The following ARMC8 variants were observed in gnomAD, a reference collection of about 807,000 sequenced individuals.
The protein encoded by ARMC8 is armadillo repeat-containing protein 8.
In ARMC8, 20 loss-of-function variants were observed where a neutral mutation model predicts 99.3. That is an observed-to-expected ratio of 0.20 (90% CI 0.14 to 0.29). ARMC8 has a LOEUF of 0.29. Among genes scored for constraint, ARMC8 ranks in the 10% least tolerant of loss-of-function variants. The probability of loss-of-function intolerance (pLI) is 1.00; values close to 1 mark genes in which losing one functional copy is unlikely to be tolerated. For synonymous variants in ARMC8, 263 were observed against 278.3 expected, an observed-to-expected ratio of 0.95 and a Z score of 0.55; for missense variants, 569 against 809.5, an observed-to-expected ratio of 0.70 and a Z score of 3.60.
intron 1 of ARMC8, among the ~76,000 whole-genome samples, chr3:138,200,302 C>T (rs2043979989): frequency 7.1e-6 from 1 of 140,558 alleles, no homozygotes; most frequent in African/African-American, 3.3e-5. Flanking sequence ...AGTTACACTG[C>T]AGACTGATAT....
chr3:138,207,303 C>A (rs1355061290), intron 1 of ARMC8, among the ~76,000 whole-genome samples: 1 of 152,174 alleles, frequency 6.6e-6, no homozygotes, highest in Non-Finnish European at 1.5e-5. Context: ...GGGAAATAAT[C>A]ATGTAAACAT....
chr3:138,199,885 A>G (rs959361363), intron 1 of ARMC8, among the ~76,000 whole-genome samples: 31 of 152,226 alleles, frequency 2.0e-4, no homozygotes, highest in African/African-American at 6.5e-4. Flanking sequence ...TCACAGTGAC[A>G]AAAGGAAGTA....
At chr3:138,205,263 C>T (rs764495244) in intron 1 of ARMC8, among the ~76,000 whole-genome samples, 8 of 151,306 alleles carry the variant, frequency 5.3e-5, no homozygotes, top group Non-Finnish European at 1.0e-4. Flanking sequence ...CTTGGCCAGG[C>T]TGGTCTCGAT....
chr3:138,262,738 C>T (rs1003530464), intron 12 of ARMC8: 10 of 790,952 alleles, frequency 1.3e-5, no homozygotes, highest in African/African-American at 1.7e-5. Context: ...AGGTTAAGAT[C>T]TATTGGTCTA....
At chr3:138,191,622 C>T (rs893422105) in intron 1 of ARMC8, among the ~76,000 whole-genome samples, 9 of 152,186 alleles carry the variant, frequency 5.9e-5, no homozygotes, top group African/African-American at 2.2e-4. Flanking sequence ...AGATCTCCCT[C>T]ATATTCCCTC....
intron 16 of ARMC8, among the ~76,000 whole-genome samples, chr3:138,271,798 C>CTTTCTTTTTTTTTTTTTTTTTTTTTTTT (rs1018824241): frequency 7.3e-6 from 1 of 136,134 alleles, no homozygotes; most frequent in African/African-American, 2.8e-5. Context: ...TTTTTTCTTT[C>CTTTCTTTTTTTTTTTTTTTTTTTTTTTT]TTTTTTTTTT....
intron 21 of ARMC8, among the ~76,000 whole-genome samples, chr3:138,292,792 C>T (rs1363908610): frequency 6.6e-6 from 1 of 151,910 alleles, no homozygotes; most frequent in African/African-American, 2.4e-5. Flanking sequence ...TCTCTTAGAG[C>T]AAGTAAAAAG....
chr3:138,287,567 T>A, intron 19 of ARMC8: 1 of 453,642 alleles, frequency 2.2e-6, no homozygotes, highest in South Asian at 1.6e-5. Flanking sequence ...GCTCATTTAT[T>A]CAACAAATAT....
intron 10 of ARMC8, 98 bp from the exon 11 acceptor site, chr3:138,241,685 C>T (rs2046632873): frequency 3.9e-6 from 4 of 1,030,554 alleles, no homozygotes; most frequent in Non-Finnish European, 5.8e-6. Context: ...TGATCATAAA[C>T]ATTACTCCTG....
intron 12 of ARMC8, among the ~76,000 whole-genome samples, chr3:138,251,862 A>G (rs931200436): frequency 6.6e-6 from 1 of 152,210 alleles, no homozygotes; most frequent in Admixed American, 6.5e-5. Context: ...AAGTTGGTTT[A>G]TTGTTTATTA....
At chr3:138,214,159 TAAA>T (rs58183163) in intron 2 of ARMC8, among the ~76,000 whole-genome samples, 3 of 139,792 alleles carry the variant, frequency 2.1e-5, no homozygotes, top group Admixed American at 7.2e-5. Flanking sequence ...TTGTTTTGTT[TAAA>T]AAAAAAAAAA....
chr3:138,249,102 G>GATGA lies in ARMC8; in HGVS notation c.1134+3937_1134+3940dup, dbSNP rs532759472. Among the ~76,000 whole-genome samples the GATGA allele has an allele frequency of 3.1e-3, 471 of 152,178 alleles. 1 individual carries two copies. Among genetic ancestry groups the GATGA allele is most frequent in the African/African-American group, 1.0e-2 (414 of 41,508 alleles). On this transcript the variant is annotated intron_variant, in intron 12 of 21. Coordinates refer to ENST00000469044, the MANE Select transcript of ARMC8 (RefSeq NM_001363941.2). Reference sequence around the variant, plus strand: ...CATAGTTGACACTTAATAAATAATTGATGAATGAATGAATGAATGAAAAAA... The same window carrying GATGA: ...CATAGTTGACACTTAATAAATAATTGATGAATGAATGAATGAATGAATGAAAAAA...
chr3:138,240,976 G>A (rs1305262768), intron 10 of ARMC8, among the ~76,000 whole-genome samples: 1 of 152,142 alleles, frequency 6.6e-6, no homozygotes, highest in Non-Finnish European at 1.5e-5. Context: ...CTTGAATCCA[G>A]GAGGCAGAGG....
At chr3:138,285,986 C>A (rs1396151426) in intron 19 of ARMC8, among the ~76,000 whole-genome samples, 1 of 152,146 alleles carries the variant, frequency 6.6e-6, no homozygotes, top group Non-Finnish European at 1.5e-5. Flanking sequence ...ACTCTGTCAC[C>A]CAGACTAGAG....
chr3:138,275,168 C>T (rs76903650), intron 18 of ARMC8, among the ~76,000 whole-genome samples: 1,565 of 152,250 alleles, frequency 0.01, 25 homozygotes, highest in African/African-American at 0.036. Context: ...ACAAAAGTCA[C>T]CTGCAAACTT....
intron 3 of ARMC8, among the ~76,000 whole-genome samples, 182 bp from the exon 4 acceptor site, chr3:138,223,207 T>G (rs886833446): frequency 6.6e-6 from 1 of 152,162 alleles, no homozygotes; most frequent in Non-Finnish European, 1.5e-5. Context: ...TTTCAAAACC[T>G]CTTCTAGATT....
chr3:138,196,728 G>T (rs1314517876), intron 1 of ARMC8, among the ~76,000 whole-genome samples: 1 of 152,074 alleles, frequency 6.6e-6, no homozygotes, highest in East Asian at 1.9e-4. Flanking sequence ...TTAGCCAGGT[G>T]TGGTGGCGCA....
rs537027615 is a variant in ARMC8, at chr3:138,200,725, A to G, written c.46-9092A>G. On this transcript the variant is annotated intron_variant, in intron 1 of 21. Transcript: ENST00000469044. ...TACACCCTTCCCTTTTCTCACCTCC[A>G]CTTCCATCTCCCCTCCAGTGTGTGA... Among the ~76,000 whole-genome samples, 33 of 152,112 alleles carry G rather than the reference A, an allele frequency of 2.2e-4. No individual in the cohort carries two copies. The East Asian group carries it at 6.4e-3, about 29-fold the overall frequency.
In ARMC8 at chr3:138,223,512, T is replaced by C. The variant is rs1285484586; in HGVS notation, c.318T>C (p.Ile106=). 1.2e-6 allele frequency: 2 copies of C among 1,614,232 alleles called. No individual in the cohort carries two copies. The highest frequency in any genetic ancestry group is 1.3e-5 in the African/African-American group (1 of 75,058). Residue 106 remains isoleucine, a synonymous_variant, in exon 4 of 22, where the codon ATT becomes ATC. Coordinates refer to ENST00000469044, the MANE Select transcript of ARMC8 (RefSeq NM_001363941.2). ...NNVKSLLDCH[I]IPALLQGLLS... The stretch of plus-strand genomic sequence containing the variant: ...TCAAGTCTCTACTGGACTGCCATAT[T>C]ATCCCTGCCTTATTGCAAGGTATGT...
Sources: gnomAD v4.1 joint callset for allele counts (sites outside exome capture counted in the v4.1 genomes callset) on GRCh38, gnomAD v4.1.1 for gene constraint, MANE v1.5 for transcripts, NCBI Gene and HGNC (gene_info 2026-07-23, HGNC 2026-07-21) for gene names.